The following PPP1R7 variants were observed in gnomAD, a reference collection of about 807,000 sequenced individuals.
PPP1R7 encodes the protein protein phosphatase 1 regulatory subunit 7, also known as protein phosphatase 1 regulatory subunit 22.
Under a neutral mutation model 45.2 loss-of-function variants are expected in PPP1R7, and 18 were observed. The ratio of observed to expected loss-of-function variants is 0.40; its 90% CI spans 0.28 to 0.59. The LOEUF (loss-of-function observed/expected upper bound fraction) is 0.59. Ranked by LOEUF, PPP1R7 falls within the 20% of genes least tolerant of loss-of-function variation. PPP1R7 has a pLI of 0.46. For synonymous variants in PPP1R7, 181 were observed against 183.4 expected (o/e 0.99, Z 0.11); for missense variants, 314 against 455.8 (o/e 0.69, Z 2.83).
In PPP1R7 at chr2:241,165,056, G is replaced by A. The variant is rs1268094517; in HGVS notation, c.715-1281G>A. ...GAGCGAGAGTCCATCTCAAAAAAAA[G>A]AAAGAAAGAAATTATAATTAATTTA... On this transcript the variant is annotated intron_variant, in intron 7 of 9. Coordinates refer to ENST00000234038, the MANE Select transcript of PPP1R7 (RefSeq NM_002712.3). 2.6e-5 allele frequency among the ~76,000 whole-genome samples: 4 copies of A among 151,994 alleles called. No individual in the cohort carries two copies. The East Asian group carries it at 7.7e-4, about 29-fold the overall frequency.
At position 241,159,270 on chromosome 2, in the gene PPP1R7, A is replaced by G. The variant is rs760382275; in HGVS notation, c.361A>G (p.Ser121Gly). The change falls in exon 5 of 10, where the codon AGT becomes GGT. Residue 121 changes from serine (S) to glycine (G), a missense_variant. Physicochemically the swap from Ser to Gly is moderately conservative, Grantham distance 56. This residue lies in a region of PPP1R7 where 112 missense variants were observed against 144.5 expected (regional missense o/e 0.78). Transcript: ENST00000234038. ...KCIENLEELQ[S>G]LRELDLYDNQ... ...CATTGAGAATCTGGAGGAGCTACAG[A>G]GTCTTCGAGAGCTGGATCTTTACGA... The G allele has an allele frequency of 6.2e-7, 1 of 1,613,926 alleles. No homozygotes were observed. The highest frequency in any genetic ancestry group is 8.5e-7 in the Non-Finnish European group (1 of 1,179,870).
chr2:241,153,647 A>T, intron 2 of PPP1R7, 43 bp downstream of exon 2: 1 of 1,606,784 alleles, frequency 6.2e-7, no homozygotes, highest in Non-Finnish European at 8.5e-7. Flanking sequence ...TGGTTGGGGG[A>T]TGTGGGCTGT....
In PPP1R7 at chr2:241,158,566, T is replaced by A; in HGVS notation, c.303+17T>A. 2 of 1,606,270 alleles carry A rather than the reference T, an allele frequency of 1.2e-6. No homozygotes were observed. Among genetic ancestry groups the A allele is most frequent in the South Asian group, 1.1e-5 (1 of 90,928 alleles). Reference sequence around the variant, plus strand: ...AAAGTGAAGGTGAGAGGGACTCTTATGAGGGGACTATGACGCTCACCCATA... The same window carrying A: ...AAAGTGAAGGTGAGAGGGACTCTTAAGAGGGGACTATGACGCTCACCCATA... On this transcript the variant is annotated intron_variant, in intron 4 of 9. Transcript: ENST00000234038.
At position 241,183,598 on chromosome 2, in the gene PPP1R7, T is replaced by TTC; in HGVS notation, c.*778_*779dup. 3.0e-6 allele frequency: 1 copy of TTC among 336,264 alleles called. No individual in the cohort carries two copies. Among genetic ancestry groups the TTC allele is most frequent in the Non-Finnish European group, 6.0e-6 (1 of 165,302 alleles). The allele number at this position is 336,264 out of a possible 1,614,324, so 20.8% of individuals were successfully genotyped here. A position where few individuals can be genotyped will look rare whatever the true frequency, so the allele number is the denominator to read the frequency against. On this transcript the variant is annotated 3_prime_UTR_variant, in exon 10 of 10. Coordinates refer to ENST00000234038, the MANE Select transcript of PPP1R7 (RefSeq NM_002712.3). Reference sequence around the variant, plus strand: ...TGGCCACTGGTATAGTGGCCTCCTGTTCTCACCCCATTGTTATTTTGGCTT... The same window carrying TTC: ...TGGCCACTGGTATAGTGGCCTCCTGTTCTCTCACCCCATTGTTATTTTGGCTT...
At chr2:241,151,693 C>A in intron 1 of PPP1R7, 1 of 393,608 alleles carries the variant, frequency 2.5e-6, no homozygotes, top group Admixed American at 2.9e-5. Context: ...GTTTCCATGT[C>A]TTGGTAAATG....
At chr2:241,181,231 A>C (rs1475529283) in intron 9 of PPP1R7, among the ~76,000 whole-genome samples, 2 of 152,072 alleles carry the variant, frequency 1.3e-5, no homozygotes. Context: ...CAAACAGGCA[A>C]ACCTGTGAGA....
chr2:241,167,027 C>G (rs778239292), intron 8 of PPP1R7: 17 of 1,611,570 alleles, frequency 1.1e-5, no homozygotes, highest in Non-Finnish European at 1.3e-5. Flanking sequence ...CCCTCCCTCC[C>G]CGGCCCTTCT....
At chr2:241,150,274 C>T (rs899992688), upstream of PPP1R7, 13 of 1,319,170 alleles carry the variant, frequency 9.9e-6, no homozygotes, top group Non-Finnish European at 1.3e-5. Flanking sequence ...CGCCTCCAGA[C>T]TGTTCCGGCT....
chr2:241,174,056 G>A (rs1036703110), intron 9 of PPP1R7, among the ~76,000 whole-genome samples: 1 of 151,806 alleles, frequency 6.6e-6, no homozygotes, highest in Non-Finnish European at 1.5e-5. Flanking sequence ...TGGAATTTAT[G>A]TTGTTTTCCT....
intron 6 of PPP1R7, 95 bp downstream of exon 6, chr2:241,160,589 C>G (rs1349783860): frequency 2.8e-6 from 3 of 1,081,390 alleles, no homozygotes; most frequent in East Asian, 2.9e-5. Flanking sequence ...CATGGTGAGT[C>G]TGCATTTCTT....
chr2:241,153,392 T>C, intron 1 of PPP1R7, 84 bp from the exon 2 acceptor site: 1 of 1,548,086 alleles, frequency 6.5e-7, no homozygotes, highest in Non-Finnish European at 8.8e-7. Context: ...TGAAATCCTT[T>C]TGACTTACAA....
rs1244966888 is a variant in PPP1R7 at position 241,169,848 on chromosome 2, CAG to C, written c.890_891del (p.Glu297AlafsTer12). 4 of 1,611,800 alleles carry C rather than the reference CAG, an allele frequency of 2.5e-6. No homozygotes were observed. The highest frequency in any genetic ancestry group is 1.3e-5 in the African/African-American group (1 of 74,888). On this transcript the variant is annotated frameshift_variant, in exon 9 of 10. Coordinates refer to ENST00000234038, the MANE Select transcript of PPP1R7 (RefSeq NM_002712.3). LOFTEE classifies it high-confidence loss of function. ...AAGATTGAAAATATCAGCCATCTAA[CAG>C]AGCTGCAAGAGTTCTGGGTAAGTTT...
chr2:241,153,953 G>A (rs948561933), intron 2 of PPP1R7, among the ~76,000 whole-genome samples: 9 of 152,004 alleles, frequency 5.9e-5, no homozygotes, highest in South Asian at 2.1e-4. Context: ...AGGCCAAGGC[G>A]GGTGGATCAC....
Position 241,163,245 on chromosome 2 carries a change from G to A in PPP1R7, c.598-40G>A, listed in dbSNP as rs2268896. ...ACCTGCTGGCTGCCTGGGGCAGCCT[G>A]TCAACTGCAGTACTCATTGCTGTTC... On this transcript the variant is annotated intron_variant, in intron 6 of 9. Coordinates refer to ENST00000234038, the MANE Select transcript of PPP1R7 (RefSeq NM_002712.3). 2.7e-4 allele frequency: 381 copies of A among 1,411,262 alleles called. 1 individual carries two copies. The East Asian group carries it at 6.6e-3, about 25-fold the overall frequency. The allele number at this position is 1,411,262 out of a possible 1,614,324, so 87.4% of individuals were successfully genotyped here. A position where few individuals can be genotyped will look rare whatever the true frequency, so the allele number is the denominator to read the frequency against.
chr2:241,173,484 T>G (rs1253695037), intron 9 of PPP1R7, among the ~76,000 whole-genome samples: 2 of 152,110 alleles, frequency 1.3e-5, no homozygotes, highest in Non-Finnish European at 2.9e-5. Flanking sequence ...TTAATGTTCT[T>G]TTTAATCATT....
At chr2:241,154,439 G>A (rs925756710) in intron 2 of PPP1R7, among the ~76,000 whole-genome samples, 1 of 152,110 alleles carries the variant, frequency 6.6e-6, no homozygotes, top group Non-Finnish European at 1.5e-5. Flanking sequence ...TGTAATCCTA[G>A]CACTTTGGAA....
At chr2:241,158,693 T>C in intron 4 of PPP1R7, 144 bp downstream of exon 4, 3 of 749,698 alleles carry the variant, frequency 4.0e-6, no homozygotes, top group Non-Finnish European at 4.5e-6. Context: ...AGGCCTTTCT[T>C]TACTGGGAGC....
intron 2 of PPP1R7, among the ~76,000 whole-genome samples, chr2:241,156,928 TGTG>T (rs1259602703): frequency 6.6e-6 from 1 of 152,172 alleles, no homozygotes; most frequent in African/African-American, 2.4e-5. Context: ...TGCGTGTGTC[TGTG>T]TAGTGTGCAT....
chr2:241,183,532 A>T lies in PPP1R7; in HGVS notation c.*709A>T. ...GTGCTGCTGCCAGAATACGAGTCCC[A>T]TTGAGCCTCTCCAAAGACGGCCTCC... On this transcript the variant is annotated 3_prime_UTR_variant, in exon 10 of 10. Transcript: ENST00000234038. 2.2e-6 allele frequency: 1 copy of T among 453,320 alleles called. No individual in the cohort carries two copies. 28.1% of individuals were successfully genotyped at this position (453,320 alleles called of 1,614,324 possible).
Sources: gnomAD v4.1 joint callset for allele counts (sites outside exome capture counted in the v4.1 genomes callset) on GRCh38, gnomAD v4.1.1 for gene constraint, gnomAD v4.1.1 regional missense constraint, MANE v1.5 for transcripts, NCBI Gene and HGNC (gene_info 2026-07-23, HGNC 2026-07-21) for gene names.